The following XXYLT1 variants were observed in gnomAD, a reference collection of about 807,000 sequenced individuals.
The protein encoded by XXYLT1 is UDP-xylose:alpha-xyloside alpha-1,3-xylosyltransferase.
XXYLT1 carries 20 observed loss-of-function variants against 28.9 expected under a neutral mutation model. The ratio of observed to expected loss-of-function variants is 0.69; its 90% CI spans 0.49 to 1.00. XXYLT1 has a LOEUF of 1.00. Ranked by LOEUF, XXYLT1 falls within the 50% of genes least tolerant of loss-of-function variation. The pLI is 0.00. For synonymous variants in XXYLT1, 257 were observed against 253.8 expected, an observed-to-expected ratio of 1.01 and a Z score of -0.12; for missense variants, 542 against 560.1, an observed-to-expected ratio of 0.97 and a Z score of 0.33.
chr3:195,252,923 TC>T (rs1489084575), intron 1 of XXYLT1, among the ~76,000 whole-genome samples: 1 of 151,602 alleles, frequency 6.6e-6, no homozygotes, highest in Non-Finnish European at 1.5e-5. Context: ...CGCAGGTGGG[TC>T]CCCTATTCAG....
chr3:195,119,157 G>A (rs551048555), intron 3 of XXYLT1, among the ~76,000 whole-genome samples: 6 of 107,756 alleles, frequency 5.6e-5, no homozygotes, highest in Non-Finnish European at 1.1e-4. Flanking sequence ...GGTGGCACGC[G>A]CCTGTAATCC....
rs959635294 is a variant in XXYLT1, at chr3:195,270,990, G to A, written c.69C>T (p.His23=). Residue 23 remains histidine, a synonymous_variant, in exon 1 of 4, where the codon CAC becomes CAT. Coordinates refer to ENST00000310380, the MANE Select transcript of XXYLT1 (RefSeq NM_152531.5). Reference sequence around the variant, plus strand: ...CCGCGGCCAGCAGCAGGGCGCAGTAGTGGGAGCGCACAGCGCCCAGGCGCG... The same window carrying A: ...CCGCGGCCAGCAGCAGGGCGCAGTAATGGGAGCGCACAGCGCCCAGGCGCG... ...AMARLGAVRS[H]YCALLLAAAL... is the part of the protein sequence containing the mutation. 1.3e-6 allele frequency: 2 copies of A among 1,482,158 alleles called. No homozygotes were observed. Among genetic ancestry groups the A allele is most frequent in the African/African-American group, 1.5e-5 (1 of 68,272 alleles). The allele number at this position is 1,482,158 out of a possible 1,614,324, so 91.8% of individuals were successfully genotyped here.
At chr3:195,265,172 C>A (rs1230338761) in intron 1 of XXYLT1, among the ~76,000 whole-genome samples, 1 of 151,888 alleles carries the variant, frequency 6.6e-6, no homozygotes, top group East Asian at 1.9e-4. Context: ...GAGTTCATGA[C>A]CAGCCTGGCC....
intron 3 of XXYLT1, chr3:195,094,011 G>C (rs889076347): frequency 3.9e-5 from 6 of 154,694 alleles, no homozygotes; most frequent in African/African-American, 1.2e-4. Context: ...TGCTCCCCTC[G>C]GGGACAGTGG....
intron 2 of XXYLT1, among the ~76,000 whole-genome samples, chr3:195,165,039 C>T (rs528021407): frequency 3.3e-5 from 5 of 152,154 alleles, no homozygotes; most frequent in African/African-American, 9.6e-5. Flanking sequence ...TGGACTTCCC[C>T]GCCTTCCTGT....
At chr3:195,170,160 A>G (rs530740484) in intron 2 of XXYLT1, among the ~76,000 whole-genome samples, 2 of 152,302 alleles carry the variant, frequency 1.3e-5, no homozygotes, top group Admixed American at 6.5e-5. Flanking sequence ...GTTAATGTAT[A>G]TATTTATATA....
intron 3 of XXYLT1, among the ~76,000 whole-genome samples, chr3:195,104,367 T>C (rs1284019205): frequency 6.6e-6 from 1 of 151,892 alleles, no homozygotes; most frequent in East Asian, 1.9e-4. Context: ...TGAGTCCCAA[T>C]CATTCCTCAG....
chr3:195,107,169 C>G (rs901202219), intron 3 of XXYLT1, among the ~76,000 whole-genome samples: 1 of 152,034 alleles, frequency 6.6e-6, no homozygotes, highest in Non-Finnish European at 1.5e-5. Context: ...TGAGTCCAGA[C>G]GCCCTTCAAA....
rs1722582714 is a variant in XXYLT1 at position 195,195,392 on chromosome 3, G to A, written c.652+31317C>T. ...AGAAGGTGGCCTGGCTTCCCCAGGG[G>A]TGACCACCACGGATTCCTTCCTCAG... On this transcript the variant is annotated intron_variant, in intron 2 of 3. Transcript: ENST00000310380. This position sits in a 1 kb window ranked among gnomAD's most constrained non-coding sequence, Gnocchi z 4.4. 2.6e-5 allele frequency among the ~76,000 whole-genome samples: 4 copies of A among 152,234 alleles called. No individual in the cohort carries two copies. In the South Asian group the frequency reaches 8.3e-4, roughly 32 times the overall value.
chr3:195,260,499 G>A (rs1038322803), intron 1 of XXYLT1, among the ~76,000 whole-genome samples: 13 of 152,242 alleles, frequency 8.5e-5, no homozygotes, highest in African/African-American at 2.7e-4. Context: ...CGGACACCGC[G>A]CGGATTCTGC....
intron 3 of XXYLT1, 122 bp from the exon 4 acceptor site, chr3:195,070,233 G>A (rs761940302): frequency 3.9e-5 from 50 of 1,282,090 alleles, no homozygotes; most frequent in South Asian, 7.6e-5. Context: ...TGCAGAATCC[G>A]CATCACTACA....
chr3:195,118,286 A>G (rs1375064933), intron 3 of XXYLT1, among the ~76,000 whole-genome samples: 2 of 152,226 alleles, frequency 1.3e-5, no homozygotes, highest in African/African-American at 4.8e-5. Flanking sequence ...CACTACCCCT[A>G]TCAGAAAAAC....
intron 2 of XXYLT1, chr3:195,184,918 C>G (rs1165872821): frequency 1.3e-6 from 1 of 749,526 alleles, no homozygotes; most frequent in African/African-American, 1.9e-5. Context: ...CTTTCAGTTT[C>G]GTTTGATCAA....
intron 3 of XXYLT1, among the ~76,000 whole-genome samples, chr3:195,079,131 C>T (rs907047780): frequency 6.6e-6 from 1 of 152,230 alleles, no homozygotes; most frequent in Non-Finnish European, 1.5e-5. Context: ...CCCAGTACAT[C>T]ACTGCATGTG....
At chr3:195,157,851 T>C (rs1227618347) in intron 2 of XXYLT1, among the ~76,000 whole-genome samples, 3 of 152,162 alleles carry the variant, frequency 2.0e-5, no homozygotes, top group African/African-American at 4.8e-5. Flanking sequence ...CTGCTGCTGA[T>C]TGACCCTGTG....
intron 1 of XXYLT1, among the ~76,000 whole-genome samples, chr3:195,229,582 C>G (rs11922694): frequency 0.062 from 9,451 of 152,246 alleles, 1,005 homozygotes; most frequent in African/African-American, 0.21. Flanking sequence ...ATTCTAATCT[C>G]CATCTCCACG....
chr3:195,227,578 A>G (rs905577364), intron 1 of XXYLT1, among the ~76,000 whole-genome samples: 2 of 152,192 alleles, frequency 1.3e-5, no homozygotes, highest in Non-Finnish European at 2.9e-5. Context: ...ACACTCTCAC[A>G]TACCCACACT....
intron 1 of XXYLT1, among the ~76,000 whole-genome samples, chr3:195,239,398 C>A (rs539053985): frequency 6.6e-6 from 1 of 152,202 alleles, no homozygotes; most frequent in African/African-American, 2.4e-5. Flanking sequence ...AAAGGCCACC[C>A]CTTCGACCTC....
Position 195,168,832 on chromosome 3 carries a change from C to T in XXYLT1, c.653-12251G>A, listed in dbSNP as rs933717311. Among the ~76,000 whole-genome samples the T allele has an allele frequency of 2.0e-5, 3 of 152,218 alleles. No individual in the cohort carries two copies. Among genetic ancestry groups the T allele is most frequent in the South Asian group, 2.1e-4 (1 of 4,834 alleles). The stretch of plus-strand genomic sequence containing the variant: ...CTGTAATAACCTGCTTAGGGTCACA[C>T]GGCCAGTGAGTGACCAGCAGAAATG... On this transcript the variant is annotated intron_variant, in intron 2 of 3. Transcript: ENST00000310380. This position sits in a 1 kb window ranked among gnomAD's most constrained non-coding sequence, Gnocchi z 4.3.
Sources: gnomAD v4.1 joint callset for allele counts (sites outside exome capture counted in the v4.1 genomes callset) on GRCh38, gnomAD v4.1.1 for gene constraint, Gnocchi (gnomAD v3.1) non-coding constraint, MANE v1.5 for transcripts, NCBI Gene and HGNC (gene_info 2026-07-23, HGNC 2026-07-21) for gene names.